The following JARID2 variants were observed in gnomAD, a reference collection of about 807,000 sequenced individuals.
The protein encoded by JARID2 is protein Jumonji.
In JARID2, 21 loss-of-function variants were observed where a neutral mutation model predicts 125.6. The ratio of observed to expected loss-of-function variants is 0.17; its 90% CI spans 0.12 to 0.24. The LOEUF is 0.24. Among genes scored for constraint, JARID2 ranks in the 10% least tolerant of loss-of-function variants. The pLI, the probability that JARID2 is intolerant of heterozygous loss-of-function variation, is 1.00. For missense variants in JARID2, 1,303 were observed against 1,639.6 expected (o/e 0.79, Z 3.55); for synonymous variants, 736 against 661.6 (o/e 1.11, Z -1.73).
chr6:15,283,050 C>T lies in JARID2; in HGVS notation c.45+36466C>T, dbSNP rs75475406. ...CTGGAGTGTAGTGGCGCGATCTTGG[C>T]TCACTGTAAGCTCTGCCTCCCGGGT... On this transcript the variant is annotated intron_variant, in intron 1 of 17. Transcript: ENST00000341776. Among the ~76,000 whole-genome samples the T allele has an allele frequency of 6.0e-3, 916 of 152,062 alleles. 71 individuals carry two copies. In the East Asian group the frequency reaches 0.16, roughly 27 times the overall value.
In JARID2 at chr6:15,246,221, G is replaced by C. The variant is rs189892747; in HGVS notation, c.-319G>C. On this transcript the variant is annotated 5_prime_UTR_variant, in exon 1 of 18. Coordinates refer to ENST00000341776, the MANE Select transcript of JARID2 (RefSeq NM_004973.4). ...CTGATGTAGTTTTTGGAGGAAAAAG[G>C]GGGGGGAGTGAAGGGCGTCGGTTTT... 5.4e-4 allele frequency: 254 copies of C among 471,666 alleles called. 3 individuals carry two copies. Among genetic ancestry groups the C allele is most frequent in the African/African-American group, 4.5e-3 (221 of 49,182 alleles). The allele number at this position is 471,666 out of a possible 1,614,324, so 29.2% of individuals were successfully genotyped here.
chr6:15,450,705 G>A (rs1235191068), intron 3 of JARID2, among the ~76,000 whole-genome samples: 2 of 152,216 alleles, frequency 1.3e-5, no homozygotes, highest in Non-Finnish European at 2.9e-5. Flanking sequence ...GCTCACTATT[G>A]CGTGAGTGGA....
chr6:15,276,611 C>T (rs1478372012), intron 1 of JARID2, among the ~76,000 whole-genome samples: 2 of 152,154 alleles, frequency 1.3e-5, no homozygotes, highest in African/African-American at 4.8e-5. Flanking sequence ...CCATGACTTT[C>T]TAGAAGCCCT....
At chr6:15,369,044 C>A (rs1420953228) in intron 1 of JARID2, among the ~76,000 whole-genome samples, 1 of 151,966 alleles carries the variant, frequency 6.6e-6, no homozygotes, top group Non-Finnish European at 1.5e-5. Flanking sequence ...GAATCTCTAG[C>A]CCGGACCGTC....
intron 7 of JARID2, among the ~76,000 whole-genome samples, chr6:15,500,424 G>A (rs1170678114): frequency 6.6e-6 from 1 of 152,172 alleles, no homozygotes; most frequent in East Asian, 1.9e-4. Flanking sequence ...ATTATAGAAG[G>A]GGAATTGGGA....
intron 7 of JARID2, 44 bp from the exon 8 acceptor site, chr6:15,500,850 ATCTTGTTCGTGTC>A: frequency 6.8e-7 from 1 of 1,469,008 alleles, no homozygotes. Flanking sequence ...AATGAGGAAC[ATCTTGTTCGTGTC>A]TCTTTCACTA....
intron 3 of JARID2, among the ~76,000 whole-genome samples, chr6:15,426,248 C>T (rs1766721614): frequency 6.6e-6 from 1 of 152,192 alleles, no homozygotes. Context: ...GTTCTTTGTG[C>T]TTCTTAACAG....
chr6:15,281,031 G>A (rs942451098), intron 1 of JARID2, among the ~76,000 whole-genome samples: 2 of 152,114 alleles, frequency 1.3e-5, no homozygotes, highest in Admixed American at 6.6e-5. Flanking sequence ...GTATCACACC[G>A]TGCCGTCATA....
chr6:15,449,054 G>A (rs915291963), intron 3 of JARID2, among the ~76,000 whole-genome samples: 5 of 151,924 alleles, frequency 3.3e-5, no homozygotes, highest in African/African-American at 4.8e-5. Flanking sequence ...ATCTGTGATA[G>A]ATGAAGCTCT....
chr6:15,281,166 A>G (rs1760734053), intron 1 of JARID2, among the ~76,000 whole-genome samples: 1 of 152,134 alleles, frequency 6.6e-6, no homozygotes, highest in Non-Finnish European at 1.5e-5. Context: ...CGCATGTGAG[A>G]TGCAGCTTCC....
chr6:15,417,430 A>G (rs1046345421), intron 3 of JARID2, among the ~76,000 whole-genome samples: 1 of 152,204 alleles, frequency 6.6e-6, no homozygotes, highest in Non-Finnish European at 1.5e-5. Context: ...GAATAAATTA[A>G]TTCTTGAAGA....
chr6:15,247,558 AT>A, intron 1 of JARID2: 1 of 984,390 alleles, frequency 1.0e-6, no homozygotes, highest in Non-Finnish European at 1.2e-6. Context: ...AAAAGGCCAA[AT>A]GAACATACCT....
At chr6:15,322,607 A>C (rs1360397891) in intron 1 of JARID2, among the ~76,000 whole-genome samples, 3 of 152,210 alleles carry the variant, frequency 2.0e-5, no homozygotes. Flanking sequence ...GATTTGACTA[A>C]ACCCAAATAC....
At position 15,379,472 on chromosome 6, in the gene JARID2, A is replaced by T. The variant is rs140198411; in HGVS notation, c.181+5220A>T. On this transcript the variant is annotated intron_variant, in intron 2 of 17. Coordinates refer to ENST00000341776, the MANE Select transcript of JARID2 (RefSeq NM_004973.4). ...AAATTAGGGACATTTAAATAATAAC[A>T]TGCTACACAAATAATGAGTACACAG... Among the ~76,000 whole-genome samples, 600 of 152,336 alleles carry T rather than the reference A, an allele frequency of 3.9e-3. 5 individuals carry two copies. Among genetic ancestry groups the T allele is most frequent in the Middle Eastern group, 0.024 (7 of 294 alleles).
At chr6:15,389,904 A>C (rs2127539881) in intron 2 of JARID2, among the ~76,000 whole-genome samples, 1 of 152,296 alleles carries the variant, frequency 6.6e-6, no homozygotes, top group African/African-American at 2.4e-5. Context: ...CTGCTACCAA[A>C]AATAGAAGTG....
chr6:15,515,764 CAAA>C lies in JARID2; in HGVS notation c.3451-1394_3451-1392del, dbSNP rs573083097. On this transcript the variant is annotated intron_variant, in intron 16 of 17. Coordinates refer to ENST00000341776, the MANE Select transcript of JARID2 (RefSeq NM_004973.4). ...AACCTGTCTCTTTAAAAAAAAAAAA[CAAA>C]AACAAAAACCAGGCACGGTGGCTTA... Among the ~76,000 whole-genome samples the C allele has an allele frequency of 2.0e-3, 274 of 139,858 alleles. 3 individuals are homozygous for C. The Middle Eastern group carries it at 0.026, about 13-fold the overall frequency. 91.8% of individuals were successfully genotyped at this position (139,858 alleles called of 152,430 possible).
intron 1 of JARID2, among the ~76,000 whole-genome samples, chr6:15,345,858 CTGA>C (rs1461367383): frequency 6.6e-6 from 1 of 152,212 alleles, no homozygotes; most frequent in South Asian, 2.1e-4. Context: ...AAGGCTCACA[CTGA>C]TGAAGCCTTG....
chr6:15,355,479 A>T (rs114651507), intron 1 of JARID2, among the ~76,000 whole-genome samples: 6 of 152,354 alleles, frequency 3.9e-5, no homozygotes, highest in South Asian at 4.1e-4. Flanking sequence ...AGTAATTTTA[A>T]GTACAATTTG....
At position 15,380,015 on chromosome 6, in the gene JARID2, A is replaced by ATT. The variant is rs35957436; in HGVS notation, c.181+5776_181+5777dup. Among the ~76,000 whole-genome samples, 712 of 143,652 alleles carry ATT rather than the reference A, an allele frequency of 5.0e-3. 8 individuals are homozygous for ATT. Among genetic ancestry groups the ATT allele is most frequent in the African/African-American group, 0.015 (594 of 38,782 alleles). 94.2% of individuals were successfully genotyped at this position (143,652 alleles called of 152,430 possible). ...TATTTATTTGGAAGGAGGTAAGTGG[A>ATT]TTTTTTTTTTTTTTGGTCGGGGGCC... On this transcript the variant is annotated intron_variant, in intron 2 of 17. Transcript: ENST00000341776.
Sources: gnomAD v4.1 joint callset for allele counts (sites outside exome capture counted in the v4.1 genomes callset) on GRCh38, gnomAD v4.1.1 for gene constraint, MANE v1.5 for transcripts, NCBI Gene and HGNC (gene_info 2026-07-23, HGNC 2026-07-21) for gene names.